Variants in ACYP2 observed in about 807,000 individuals in gnomAD.
ACYP2 encodes the protein acylphosphatase 2.
Under a neutral mutation model 11.2 loss-of-function variants are expected in ACYP2, and 12 were observed. The ratio of observed to expected loss-of-function variants is 1.08; its 90% CI spans 0.69 to 1.74. ACYP2 has a LOEUF of 1.74. Ranked by LOEUF, ACYP2 falls within the 40% of genes most tolerant of loss-of-function variation. The pLI is 0.00. For missense variants in ACYP2, 134 were observed against 101.9 expected, an observed-to-expected ratio of 1.31 and a Z score of -1.35; for synonymous variants, 43 against 32.2, an observed-to-expected ratio of 1.33 and a Z score of -1.13.
chr2:54,146,863 C>T (rs373807173), intron 6 of ACYP2, among the ~76,000 whole-genome samples: 30 of 150,864 alleles, frequency 2.0e-4, no homozygotes, highest in African/African-American at 6.1e-4. Context: ...GGCATGATCT[C>T]GCCTCACTGC....
intron 6 of ACYP2, among the ~76,000 whole-genome samples, chr2:54,303,020 AAAGAT>A (rs1242568920): frequency 6.6e-6 from 1 of 152,316 alleles, no homozygotes; most frequent in Non-Finnish European, 1.5e-5. Flanking sequence ...GTGTGGAATA[AAAGAT>A]AAGACATGTA....
At chr2:54,260,226 T>A (rs141976354) in intron 6 of ACYP2, among the ~76,000 whole-genome samples, 177 of 152,236 alleles carry the variant, frequency 1.2e-3, no homozygotes, top group Non-Finnish European at 2.0e-3. Context: ...CGTCTTCTGA[T>A]TGCTTCATTG....
chr2:54,178,544 C>T (rs923614876), intron 6 of ACYP2, among the ~76,000 whole-genome samples: 2 of 152,200 alleles, frequency 1.3e-5, no homozygotes, highest in African/African-American at 4.8e-5. Context: ...TTCATTAAAA[C>T]AGCTAAACAA....
intron 2 of ACYP2, among the ~76,000 whole-genome samples, chr2:53,996,790 A>C (rs1672593971): frequency 6.6e-6 from 1 of 152,214 alleles, no homozygotes; most frequent in Non-Finnish European, 1.5e-5. Flanking sequence ...ACAAGTACAG[A>C]GCACAGACTG....
At chr2:54,005,184 T>C (rs1480912883) in intron 2 of ACYP2, among the ~76,000 whole-genome samples, 3 of 152,220 alleles carry the variant, frequency 2.0e-5, no homozygotes, top group Non-Finnish European at 4.4e-5. Context: ...TTGAGTAAAT[T>C]TTTGTGAAGT....
chr2:54,233,896 A>G, intron 6 of ACYP2, among the ~76,000 whole-genome samples: 1 of 152,224 alleles, frequency 6.6e-6, no homozygotes, highest in East Asian at 1.9e-4. Context: ...AGTTTAAGAC[A>G]CTTTTATAAG....
At chr2:54,184,391 G>T (rs1683881129) in intron 6 of ACYP2, among the ~76,000 whole-genome samples, 1 of 151,920 alleles carries the variant, frequency 6.6e-6, no homozygotes, top group African/African-American at 2.4e-5. Flanking sequence ...TTGTTCATGG[G>T]GACCTTATAC....
chr2:54,197,764 A>G (rs1195560297), intron 6 of ACYP2, among the ~76,000 whole-genome samples: 1 of 152,102 alleles, frequency 6.6e-6, no homozygotes, highest in Non-Finnish European at 1.5e-5. Flanking sequence ...GAGGAAGGGG[A>G]TGTGTGGTGG....
At chr2:54,033,490 GGT>G (rs1444635421) in intron 2 of ACYP2, among the ~76,000 whole-genome samples, 1 of 151,976 alleles carries the variant, frequency 6.6e-6, no homozygotes, top group Non-Finnish European at 1.5e-5. Context: ...TAAGATTACA[GGT>G]GTGAGCCACA....
intron 6 of ACYP2, among the ~76,000 whole-genome samples, chr2:54,219,833 A>ATATGTGTGTGTGTATT (rs747745925): frequency 6.9e-6 from 1 of 143,990 alleles, no homozygotes; most frequent in Non-Finnish European, 1.5e-5. Context: ...GTGTGTATAT[A>ATATGTGTGTGTGTATT]TATGTGTATG....
At chr2:54,239,931 C>T (rs1255522776) in intron 6 of ACYP2, among the ~76,000 whole-genome samples, 1 of 115,294 alleles carries the variant, frequency 8.7e-6, no homozygotes, top group African/African-American at 3.1e-5. Flanking sequence ...CTGAGAAGTA[C>T]TTTAGAAGTA....
At chr2:54,002,427 C>T (rs565342967) in intron 2 of ACYP2, among the ~76,000 whole-genome samples, 17 of 151,138 alleles carry the variant, frequency 1.1e-4, no homozygotes, top group Non-Finnish European at 2.1e-4. Flanking sequence ...CTCACTGCAA[C>T]CTCCACTTCT....
At chr2:54,255,043 T>C in intron 6 of ACYP2, 2 of 1,614,124 alleles carry the variant, frequency 1.2e-6, no homozygotes, top group Non-Finnish European at 1.7e-6. Flanking sequence ...GAGGTCCTCT[T>C]TAATAATCTG....
chr2:54,037,828 T>C (rs1674993458), intron 2 of ACYP2, among the ~76,000 whole-genome samples: 1 of 152,206 alleles, frequency 6.6e-6, no homozygotes, highest in Non-Finnish European at 1.5e-5. Flanking sequence ...TTATCAATGG[T>C]CATATCAGAA....
At chr2:54,198,169 G>A (rs557203823) in intron 6 of ACYP2, among the ~76,000 whole-genome samples, 38 of 152,110 alleles carry the variant, frequency 2.5e-4, no homozygotes, top group African/African-American at 8.2e-4. Context: ...ACAGGCCTGC[G>A]CCACTGCACA....
At chr2:54,098,814 A>G (rs550731821) in intron 4 of ACYP2, among the ~76,000 whole-genome samples, 1 of 151,420 alleles carries the variant, frequency 6.6e-6, no homozygotes, top group South Asian at 2.1e-4. Flanking sequence ...TGCAGCCTCA[A>G]TCTCCCAGGC....
chr2:54,243,399 C>T (rs1159663457), intron 6 of ACYP2, among the ~76,000 whole-genome samples: 1 of 152,102 alleles, frequency 6.6e-6, no homozygotes, highest in Non-Finnish European at 1.5e-5. Context: ...TATTTGTGTA[C>T]CTAAACATAG....
rs113311406 is a variant in ACYP2 at position 53,980,214 on chromosome 2, G to A, written c.62+6404G>A. On this transcript the variant is annotated intron_variant, in intron 2 of 6. Coordinates refer to ENST00000607452, the MANE Select transcript of ACYP2 (RefSeq NM_001320586.2). ...CAAAAAATTTAAAAATTAGCCAGGC[G>A]TTATGGAATGTGCCTGTAGTCCCAG... Among the ~76,000 whole-genome samples the A allele has an allele frequency of 2.1e-4, 32 of 152,022 alleles. 1 individual carries two copies. The highest frequency in any genetic ancestry group is 6.8e-4 in the African/African-American group (28 of 41,466).
At chr2:54,106,708 T>C (rs892206874) in intron 4 of ACYP2, among the ~76,000 whole-genome samples, 1 of 152,066 alleles carries the variant, frequency 6.6e-6, no homozygotes, top group African/African-American at 2.4e-5. Context: ...ATCTGCCTCC[T>C]GAGTAGCTGG....
Sources: allele counts gnomAD v4.1 joint callset (sites outside exome capture counted in the v4.1 genomes callset), GRCh38; gene constraint gnomAD v4.1.1; transcripts MANE v1.5; gene names NCBI Gene and HGNC (gene_info 2026-07-23, HGNC 2026-07-21).